Variants in ME1 observed in about 807,000 individuals in gnomAD.
ME1 encodes the protein malic enzyme 1.
A neutral mutation model predicts 66.4 loss-of-function variants in ME1; 74 were observed. The ratio of observed to expected loss-of-function variants is 1.11; its 90% CI spans 0.92 to 1.35. ME1 has a LOEUF of 1.35. Among genes scored for constraint, ME1 ranks in the 40% most tolerant of loss-of-function variants. The pLI is 0.00. For synonymous variants in ME1, 251 were observed against 235.6 expected (o/e 1.07, Z -0.60); for missense variants, 750 against 694.1 (o/e 1.08, Z -0.90).
intron 1 of ME1, among the ~76,000 whole-genome samples, chr6:83,421,762 A>G (rs1385843203): frequency 6.6e-6 from 1 of 152,158 alleles, no homozygotes; most frequent in Non-Finnish European, 1.5e-5. Flanking sequence ...AGAACATCCA[A>G]TATTCTTTTC....
chr6:83,421,245 G>A (rs947187923), intron 1 of ME1, among the ~76,000 whole-genome samples: 12 of 152,070 alleles, frequency 7.9e-5, no homozygotes, highest in Non-Finnish European at 2.9e-5. Context: ...TATTAATATT[G>A]ATTGGTATAG....
In ME1 at chr6:83,234,451, A is replaced by G. The variant is rs1790360441; in HGVS notation, c.1026+3266T>C. Among the ~76,000 whole-genome samples, 2 of 152,124 alleles carry G rather than the reference A, an allele frequency of 1.3e-5. 1 individual carries two copies. The highest frequency in any genetic ancestry group is 1.3e-4 in the Admixed American group (2 of 15,270). ...AATCACCTTAAACTTTCTATGTGTG[A>G]AACTGATCCTGTTACTTCCCTTAAA... On this transcript the variant is annotated intron_variant, in intron 9 of 13. Transcript: ENST00000369705.
At chr6:83,409,101 C>A (rs1769999361) in intron 1 of ME1, among the ~76,000 whole-genome samples, 1 of 152,134 alleles carries the variant, frequency 6.6e-6, no homozygotes, top group Admixed American at 6.6e-5. Flanking sequence ...AGACCACTGT[C>A]TACAAATAAG....
At chr6:83,232,263 G>A (rs1257920986) in intron 9 of ME1, among the ~76,000 whole-genome samples, 1 of 152,166 alleles carries the variant, frequency 6.6e-6, no homozygotes, top group Non-Finnish European at 1.5e-5. Flanking sequence ...CTTTGGATCT[G>A]TGGACAGGGC....
chr6:83,360,623 A>C (rs1330111164), intron 3 of ME1, among the ~76,000 whole-genome samples: 2 of 152,220 alleles, frequency 1.3e-5, no homozygotes, highest in African/African-American at 4.8e-5. Flanking sequence ...AGCTGCCTCT[A>C]CCTAAATAGT....
In ME1 at chr6:83,344,884, A is replaced by T. The variant is rs555305913; in HGVS notation, c.600+1289T>A. Among the ~76,000 whole-genome samples the T allele has an allele frequency of 4.7e-4, 71 of 152,096 alleles. No homozygotes were observed. In the South Asian group the frequency reaches 7.5e-3, roughly 16 times the overall value. On this transcript the variant is annotated intron_variant, in intron 5 of 13. Transcript: ENST00000369705. ...GTGACAGCAAGACTCCGTCTCAAAA[A>T]AAAATAAAATAAAATAAAATAATAA...
intron 5 of ME1, among the ~76,000 whole-genome samples, chr6:83,331,382 G>A (rs1428484669): frequency 6.6e-6 from 1 of 151,980 alleles, no homozygotes; most frequent in African/African-American, 2.4e-5. Context: ...GAGGTCCGGA[G>A]TTTAAGACCA....
At chr6:83,255,398 C>T (rs1477120347) in intron 6 of ME1, among the ~76,000 whole-genome samples, 1 of 151,774 alleles carries the variant, frequency 6.6e-6, no homozygotes, top group Non-Finnish European at 1.5e-5. Context: ...ATTGTTTTCA[C>T]CAAATAAATT....
At chr6:83,404,113 T>G (rs933180473) in intron 2 of ME1, among the ~76,000 whole-genome samples, 2 of 152,136 alleles carry the variant, frequency 1.3e-5, no homozygotes, top group Admixed American at 6.5e-5. Context: ...TAATTTACAC[T>G]CCCACCAACA....
At chr6:83,371,250 T>A (rs3757012) in intron 3 of ME1, among the ~76,000 whole-genome samples, 3,763 of 152,292 alleles carry the variant, frequency 0.025, 156 homozygotes, top group East Asian at 0.16. Context: ...CCTTTCAAAC[T>A]GCTACTAAAG....
At chr6:83,226,366 T>G (rs1790198889) in intron 11 of ME1, among the ~76,000 whole-genome samples, 2 of 152,196 alleles carry the variant, frequency 1.3e-5, no homozygotes, top group Admixed American at 1.3e-4. Flanking sequence ...AATTAAACAC[T>G]TGTTTATTAT....
rs71545854 is a variant in ME1 at position 83,283,227 on chromosome 6, C to CAAAAAAAAA, written c.705-29498_705-29490dup. Among the ~76,000 whole-genome samples the CAAAAAAAAA allele has an allele frequency of 7.4e-3, 213 of 28,888 alleles. 12 individuals are homozygous for CAAAAAAAAA. Among genetic ancestry groups the CAAAAAAAAA allele is most frequent in the African/African-American group, 0.027 (198 of 7,214 alleles). The allele number at this position is 28,888 out of a possible 152,430, so 19.0% of individuals were successfully genotyped here. The stretch of plus-strand genomic sequence containing the variant: ...TGGGCGACAGAGCAAGACTCCGTCT[C>CAAAAAAAAA]AAAAAAAAAAAAAAAAAAAAATGAT... On this transcript the variant is annotated intron_variant, in intron 6 of 13. Coordinates refer to ENST00000369705, the MANE Select transcript of ME1 (RefSeq NM_002395.6).
At chr6:83,289,151 T>C (rs1459237500) in intron 6 of ME1, among the ~76,000 whole-genome samples, 1 of 152,242 alleles carries the variant, frequency 6.6e-6, no homozygotes. Flanking sequence ...TGCTTTCTCT[T>C]GCTTGATGGC....
At chr6:83,327,068 A>G (rs1044174921) in intron 5 of ME1, among the ~76,000 whole-genome samples, 6 of 152,194 alleles carry the variant, frequency 3.9e-5, no homozygotes, top group Non-Finnish European at 8.8e-5. Flanking sequence ...AATTGTAAAG[A>G]TTTCATGGAC....
intron 6 of ME1, among the ~76,000 whole-genome samples, chr6:83,294,899 T>C (rs954673244): frequency 3.9e-5 from 6 of 152,204 alleles, no homozygotes; most frequent in Admixed American, 2.6e-4. Flanking sequence ...CCACAACCAC[T>C]GCTGCTTCCA....
At chr6:83,402,511 C>A (rs1394044578) in intron 2 of ME1, among the ~76,000 whole-genome samples, 1 of 152,160 alleles carries the variant, frequency 6.6e-6, no homozygotes, top group Admixed American at 6.5e-5. Flanking sequence ...ACTTTGAGCA[C>A]CACATGCCTC....
At chr6:83,297,054 T>C (rs763269533) in intron 6 of ME1, among the ~76,000 whole-genome samples, 4 of 152,190 alleles carry the variant, frequency 2.6e-5, no homozygotes, top group Non-Finnish European at 5.9e-5. Context: ...ACATTTTAAA[T>C]GATTTTCTTT....
At chr6:83,405,701 G>GTTTT (rs1251931728) in intron 2 of ME1, among the ~76,000 whole-genome samples, 1 of 141,472 alleles carries the variant, frequency 7.1e-6, no homozygotes, top group African/African-American at 2.8e-5. Flanking sequence ...TTTATTGAGA[G>GTTTT]TTTTTTTTGT....
At chr6:83,363,177 T>A (rs1468896086) in intron 3 of ME1, among the ~76,000 whole-genome samples, 1 of 152,132 alleles carries the variant, frequency 6.6e-6, no homozygotes, top group Non-Finnish European at 1.5e-5. Flanking sequence ...AATTTTTGCT[T>A]CCTGTTCCCA....
Sources: gnomAD v4.1 joint callset for allele counts (sites outside exome capture counted in the v4.1 genomes callset) on GRCh38, gnomAD v4.1.1 for gene constraint, MANE v1.5 for transcripts, NCBI Gene and HGNC (gene_info 2026-07-23, HGNC 2026-07-21) for gene names.